DNAJC11: variants seen among roughly 807,000 people sequenced by gnomAD.
DNAJC11 encodes the protein dnaJ homolog subfamily C member 11.
Under a neutral mutation model 78.6 loss-of-function variants are expected in DNAJC11, and 15 were observed. The ratio of observed to expected loss-of-function variants is 0.19; its 90% CI spans 0.13 to 0.29. DNAJC11 has a LOEUF of 0.29. DNAJC11 is among the 10% of genes least tolerant of loss of function. DNAJC11 has a pLI of 1.00. For missense variants in DNAJC11, 547 were observed against 709.6 expected, an observed-to-expected ratio of 0.77 and a Z score of 2.60; for synonymous variants, 292 against 272.1, an observed-to-expected ratio of 1.07 and a Z score of -0.72.
At chr1:6,649,995 C>A (rs1642029361) in intron 7 of DNAJC11, among the ~76,000 whole-genome samples, 1 of 151,978 alleles carries the variant, frequency 6.6e-6, no homozygotes, top group Admixed American at 6.6e-5. Flanking sequence ...GTTATTCATG[C>A]CACTGTGCCT....
At chr1:6,667,849 C>A in intron 3 of DNAJC11, 39 bp from the exon 4 acceptor site, 1 of 1,587,644 alleles carries the variant, frequency 6.3e-7, no homozygotes, top group Non-Finnish European at 8.6e-7. Flanking sequence ...GTTGAGGACC[C>A]AGGAGGTAAG....
At chr1:6,654,533 T>C (rs556734008) in intron 4 of DNAJC11, among the ~76,000 whole-genome samples, 15 of 152,294 alleles carry the variant, frequency 9.8e-5, no homozygotes, top group African/African-American at 3.4e-4. Flanking sequence ...TTAAAATTAA[T>C]CCACCTTCTC....
At chr1:6,651,491 A>G (rs750838372) in intron 7 of DNAJC11, 38 bp downstream of exon 7, 2 of 1,578,862 alleles carry the variant, frequency 1.3e-6, no homozygotes, top group Non-Finnish European at 1.7e-6. Flanking sequence ...TAAGCCAACA[A>G]AGACCACCAA....
chr1:6,644,825 C>T (rs1641941663), intron 9 of DNAJC11, 151 bp from the exon 10 acceptor site: 1 of 794,858 alleles, frequency 1.3e-6, no homozygotes, highest in Non-Finnish European at 2.1e-6. Context: ...AAAGTTGGGA[C>T]ACCCATGGTC....
intron 2 of DNAJC11, among the ~76,000 whole-genome samples, chr1:6,679,041 T>A (rs560757112): frequency 6.6e-6 from 1 of 152,288 alleles, no homozygotes; most frequent in East Asian, 1.9e-4. Flanking sequence ...AGCTACAAGG[T>A]GTACAAGGTG....
At chr1:6,676,613 G>A (rs1296689648) in intron 3 of DNAJC11, among the ~76,000 whole-genome samples, 4 of 152,104 alleles carry the variant, frequency 2.6e-5, no homozygotes, top group East Asian at 1.9e-4. Context: ...CTGGGAGGTC[G>A]AGGGTGCAGT....
intron 1 of DNAJC11, among the ~76,000 whole-genome samples, chr1:6,682,111 T>A (rs1356059056): frequency 8.0e-6 from 1 of 125,716 alleles, no homozygotes; most frequent in Non-Finnish European, 1.6e-5. Flanking sequence ...GGAACACAGA[T>A]CCTCAAAGAA....
Position 6,649,470 on chromosome 1 carries a change from G to A in DNAJC11, c.704+2059C>T, listed in dbSNP as rs115765708. Among the ~76,000 whole-genome samples, 969 of 152,234 alleles carry A rather than the reference G, an allele frequency of 6.4e-3. 7 individuals are homozygous for A. The highest frequency in any genetic ancestry group is 0.022 in the African/African-American group (922 of 41,564). On this transcript the variant is annotated intron_variant, in intron 7 of 15. Coordinates refer to ENST00000377577, the MANE Select transcript of DNAJC11 (RefSeq NM_018198.4). ...AGGCATGAGCCACCGTGCTCAGCCA[G>A]GAAGCACTGCTTTGGTGCCTAAGCG... is the stretch of plus-strand genomic sequence containing the variant.
Position 6,640,064 on chromosome 1 carries a change from A to G in DNAJC11, c.1098-7T>C. ...CTGACTGGCCCTGTTGAGCCTGGGG[A>G]AAAATACAAAAAAAAAAAAAAAAAA... is the stretch of plus-strand genomic sequence containing the variant. On this transcript the variant is annotated splice_region_variant and splice_polypyrimidine_tract_variant and intron_variant, in intron 10 of 15. Transcript: ENST00000377577. 6.6e-7 allele frequency: 1 copy of G among 1,511,770 alleles called. No individual in the cohort carries two copies. Among genetic ancestry groups the G allele is most frequent in the South Asian group, 1.3e-5 (1 of 78,184 alleles). The allele number at this position is 1,511,770 out of a possible 1,614,324, so 93.6% of individuals were successfully genotyped here. A position where few individuals can be genotyped will look rare whatever the true frequency, so the allele number is the denominator to read the frequency against.
Position 6,647,996 on chromosome 1 carries a change from G to C in DNAJC11, c.705-2018C>G, listed in dbSNP as rs183566472. On this transcript the variant is annotated intron_variant, in intron 7 of 15. Transcript: ENST00000377577. ...ATGATCAGTCCACCCCAAACTCTTG[G>C]TGACCACTCAATGAATAGACACTGA... Among the ~76,000 whole-genome samples the C allele has an allele frequency of 4.8e-4, 73 of 152,112 alleles. 1 individual carries two copies. The highest frequency in any genetic ancestry group is 1.5e-3 in the African/African-American group (61 of 41,470).
At chr1:6,665,938 G>A (rs574599942) in intron 4 of DNAJC11, among the ~76,000 whole-genome samples, 1 of 152,260 alleles carries the variant, frequency 6.6e-6, no homozygotes, top group African/African-American at 2.4e-5. Context: ...GATCCAAGCA[G>A]GAACCATGAG....
At chr1:6,701,645 G>C in intron 1 of DNAJC11, 84 bp downstream of exon 1, 2 of 1,380,808 alleles carry the variant, frequency 1.4e-6, no homozygotes, top group Non-Finnish European at 1.9e-6. Context: ...CCCGTGGCGG[G>C]GGTGGGGCGG....
intron 10 of DNAJC11, among the ~76,000 whole-genome samples, chr1:6,640,437 T>C (rs1641857706): frequency 1.3e-5 from 2 of 152,186 alleles, no homozygotes; most frequent in Admixed American, 6.5e-5. Flanking sequence ...CCAAAGAAGT[T>C]AGTGAAGACT....
chr1:6,682,810 C>A (rs1642574830), intron 1 of DNAJC11, among the ~76,000 whole-genome samples: 1 of 152,054 alleles, frequency 6.6e-6, no homozygotes, highest in Non-Finnish European at 1.5e-5. Flanking sequence ...TGCCTGTGGT[C>A]CTACCTGGAA....
chr1:6,697,989 AC>A (rs1642864868), intron 1 of DNAJC11, among the ~76,000 whole-genome samples: 1 of 152,014 alleles, frequency 6.6e-6, no homozygotes, highest in African/African-American at 2.4e-5. Context: ...ACGGGGTTTC[AC>A]CGTGTTAGTC....
chr1:6,684,912 T>C (rs1187378145), intron 1 of DNAJC11, among the ~76,000 whole-genome samples: 1 of 152,220 alleles, frequency 6.6e-6, no homozygotes, highest in Non-Finnish European at 1.5e-5. Flanking sequence ...TAAGTCCCAA[T>C]AGACTTTAAA....
chr1:6,658,567 G>A (rs1213997112), intron 4 of DNAJC11, among the ~76,000 whole-genome samples: 1 of 152,136 alleles, frequency 6.6e-6, no homozygotes, highest in African/African-American at 2.4e-5. Context: ...AGTAGAAAGC[G>A]GGGAGCGGCA....
intron 1 of DNAJC11, among the ~76,000 whole-genome samples, chr1:6,699,847 C>A (rs1224535650): frequency 1.3e-5 from 2 of 152,192 alleles, no homozygotes; most frequent in African/African-American, 4.8e-5. Flanking sequence ...CTAACAAAAT[C>A]TGCAATTCCC....
At chr1:6,642,405 C>T (rs1641891816) in intron 10 of DNAJC11, among the ~76,000 whole-genome samples, 1 of 152,134 alleles carries the variant, frequency 6.6e-6, no homozygotes, top group Non-Finnish European at 1.5e-5. Context: ...AATGGCGAGA[C>T]TGGGGATACA....
Sources: allele counts gnomAD v4.1 joint callset (sites outside exome capture counted in the v4.1 genomes callset), GRCh38; gene constraint gnomAD v4.1.1; transcripts MANE v1.5; gene names NCBI Gene and HGNC (gene_info 2026-07-23, HGNC 2026-07-21).